ARHGEF11: variants seen among roughly 807,000 people sequenced by gnomAD.
ARHGEF11 encodes Rho guanine exchange factor (GEF) 11.
A neutral mutation model predicts 193.7 loss-of-function variants in ARHGEF11; 55 were observed. The observed-to-expected ratio is 0.28, with a 90% CI of 0.23 to 0.36. The LOEUF (loss-of-function observed/expected upper bound fraction) is 0.36, where lower values mean the gene tolerates loss of function less well. Ranked by LOEUF, ARHGEF11 falls within the 10% of genes least tolerant of loss-of-function variation. The pLI is 1.00. For missense variants in ARHGEF11, 1,723 were observed against 2,005.6 expected (o/e 0.86, Z 2.69); for synonymous variants, 693 against 768.0 (o/e 0.90, Z 1.62).
chr1:157,017,504 G>A (rs1247677337), intron 1 of ARHGEF11, among the ~76,000 whole-genome samples: 2 of 151,916 alleles, frequency 1.3e-5, no homozygotes, highest in South Asian at 2.1e-4. Context: ...TCAGGAGATC[G>A]AGATCATCCT....
intron 1 of ARHGEF11, among the ~76,000 whole-genome samples, chr1:157,027,869 T>C (rs1445227696): frequency 6.6e-6 from 1 of 152,154 alleles, no homozygotes; most frequent in Admixed American, 6.5e-5. Context: ...AGAAGTCAGC[T>C]ACTCTGAGGT....
chr1:156,938,320 G>T, intron 38 of ARHGEF11, 98 bp downstream of exon 38: 2 of 1,103,256 alleles, frequency 1.8e-6, no homozygotes, highest in South Asian at 1.6e-5. Flanking sequence ...GGGAGCTTGT[G>T]GGTGTGTGTG....
At chr1:156,943,162 G>A (rs1657426276) in intron 32 of ARHGEF11, among the ~76,000 whole-genome samples, 1 of 151,734 alleles carries the variant, frequency 6.6e-6, no homozygotes, top group Admixed American at 6.6e-5. Context: ...CCGGGTTCAA[G>A]TGATTCTCCT....
intron 14 of ARHGEF11, 79 bp from the exon 15 acceptor site, chr1:156,960,539 G>C: frequency 7.1e-7 from 1 of 1,405,344 alleles, no homozygotes; most frequent in Middle Eastern, 1.8e-4. Context: ...GGCGAGGAGG[G>C]CTTGGCCACA....
At chr1:156,936,497 A>AAAAAATAT (rs370282821) in intron 40 of ARHGEF11, among the ~76,000 whole-genome samples, 1 of 33,938 alleles carries the variant, frequency 2.9e-5, no homozygotes, top group South Asian at 1.6e-3. Context: ...AAAAAAAAAA[A>AAAAAATAT]ATATATATAT....
At chr1:157,008,406 GCACACA>G (rs60934928) in intron 1 of ARHGEF11, among the ~76,000 whole-genome samples, 104 of 148,880 alleles carry the variant, frequency 7.0e-4, no homozygotes, top group South Asian at 8.6e-4. Flanking sequence ...TTGCACGCAC[GCACACA>G]CACACACACA....
rs1654789763 is a variant in ARHGEF11 at position 156,934,875 on chromosome 1, T to A, written c.*1125A>T. ...TTAACTTTTCTTAAAAAAAAAATCT[T>A]AACCATGAAAGGAAGAAAATAAAAG... is the stretch of plus-strand genomic sequence containing the variant. On this transcript the variant is annotated 3_prime_UTR_variant, in exon 41 of 41. Transcript: ENST00000368194. 1 of 150,938 alleles carries A rather than the reference T, an allele frequency of 6.6e-6. No homozygotes were observed. Among genetic ancestry groups the A allele is most frequent in the Admixed American group, 6.6e-5 (1 of 15,148 alleles). 9.3% of individuals were successfully genotyped at this position (150,938 alleles called of 1,614,324 possible).
Position 156,957,810 on chromosome 1 carries a change from T to C in ARHGEF11, c.1508A>G (p.Lys503Arg), listed in dbSNP as rs1050810415. The C allele has an allele frequency of 6.2e-7, 1 of 1,614,026 alleles. No homozygotes were observed. Among genetic ancestry groups the C allele is most frequent in the Non-Finnish European group, 8.5e-7 (1 of 1,179,980 alleles). Reference sequence around the variant, plus strand: ...TGCTTACCTCCTGTCTTCCTCATACTTGGACCTGGAATGGAAGAAAGAACA... The same window carrying C: ...TGCTTACCTCCTGTCTTCCTCATACCTGGACCTGGAATGGAAGAAAGAACA... ...QLAALGDILSKYEEDRSAPMD... is the reference protein window; with the variant it reads ...QLAALGDILSRYEEDRSAPMD... Residue 503 changes from lysine to arginine, a missense_variant, in exon 18 of 41, where the codon AAG becomes AGG. Around this residue, in one of 5 missense-constraint regions of ARHGEF11, gnomAD observed 646 missense variants for 710.7 expected, o/e 0.91. Coordinates refer to ENST00000368194, the MANE Select transcript of ARHGEF11 (RefSeq NM_198236.3).
At chr1:157,014,930 C>T (rs1669022860) in intron 1 of ARHGEF11, among the ~76,000 whole-genome samples, 1 of 152,206 alleles carries the variant, frequency 6.6e-6, no homozygotes, top group South Asian at 2.1e-4. Context: ...TTCTTGTCTT[C>T]AGCCTTCAGT....
At chr1:156,986,528 C>T (rs553292875) in intron 1 of ARHGEF11, among the ~76,000 whole-genome samples, 12 of 151,912 alleles carry the variant, frequency 7.9e-5, no homozygotes, top group South Asian at 2.1e-4. Context: ...TGGAACAGAA[C>T]GGAGCAGCAG....
rs1667508032 is a variant in ARHGEF11, at chr1:157,003,921, A to G, written c.33-17748T>C. Among the ~76,000 whole-genome samples the G allele has an allele frequency of 2.0e-5, 3 of 152,266 alleles. No homozygotes were observed. The South Asian group carries it at 6.2e-4, about 31-fold the overall frequency. On this transcript the variant is annotated intron_variant, in intron 1 of 40. Transcript: ENST00000368194. ...TTAAAGCGTTTAGCACAGGGCACAC[A>G]TTAAGTGCTTAAAATATGTTAGCTA...
chr1:156,983,659 A>AC (rs1305148431), intron 3 of ARHGEF11, among the ~76,000 whole-genome samples: 10 of 152,156 alleles, frequency 6.6e-5, no homozygotes, highest in Non-Finnish European at 1.5e-4. Context: ...TATGATGCCC[A>AC]CCCACTCTTC....
intron 1 of ARHGEF11, among the ~76,000 whole-genome samples, chr1:157,008,110 C>T (rs879347641): frequency 1.3e-5 from 2 of 152,060 alleles, no homozygotes; most frequent in Non-Finnish European, 1.5e-5. Flanking sequence ...TTTCATATAA[C>T]TCAAACTCGA....
rs539700795 is a variant in ARHGEF11, at chr1:156,937,176, A to G, written c.4440+73T>C. On this transcript the variant is annotated intron_variant, in intron 39 of 40. Coordinates refer to ENST00000368194, the MANE Select transcript of ARHGEF11 (RefSeq NM_198236.3). ...ATCTAGGGCTCCCGCGAAGACACAC[A>G]TCTCACTCATGGGGAATGGTTTTGG... 1.2e-5 allele frequency: 19 copies of G among 1,601,354 alleles called. No homozygotes were observed. The Admixed American group carries it at 3.1e-4, about 26-fold the overall frequency.
intron 38 of ARHGEF11, 120 bp downstream of exon 38, chr1:156,938,298 C>T: frequency 1.1e-6 from 1 of 884,028 alleles, no homozygotes; most frequent in Non-Finnish European, 1.7e-6. Flanking sequence ...CCTCCCCATT[C>T]CAGGCAGCTG....
chr1:156,959,212 G>T, intron 15 of ARHGEF11, 70 bp from the exon 16 acceptor site: 1 of 1,295,992 alleles, frequency 7.7e-7, no homozygotes, highest in Non-Finnish European at 1.1e-6. Context: ...CTTCTGCTGA[G>T]CATCTCAAGG....
intron 6 of ARHGEF11, among the ~76,000 whole-genome samples, chr1:156,977,425 T>C (rs774910020): frequency 4.6e-5 from 7 of 152,188 alleles, no homozygotes; most frequent in Non-Finnish European, 8.8e-5. Context: ...GTTTTGTTTT[T>C]TCTTTGAGAT....
intron 7 of ARHGEF11, among the ~76,000 whole-genome samples, chr1:156,974,998 C>T (rs973488622): frequency 2.0e-5 from 3 of 152,066 alleles, no homozygotes; most frequent in Non-Finnish European, 4.4e-5. Context: ...TTGTGTGAAC[C>T]TATGTTCTCA....
chr1:156,977,111 C>G, intron 6 of ARHGEF11, 57 bp from the exon 7 acceptor site: 1 of 1,442,326 alleles, frequency 6.9e-7, no homozygotes, highest in Non-Finnish European at 9.8e-7. Flanking sequence ...CAGCTTAGCT[C>G]TCTTCTATCT....
Sources: gnomAD v4.1 joint callset for allele counts (sites outside exome capture counted in the v4.1 genomes callset) on GRCh38, gnomAD v4.1.1 for gene constraint, gnomAD v4.1.1 regional missense constraint, MANE v1.5 for transcripts, NCBI Gene and HGNC (gene_info 2026-07-23, HGNC 2026-07-21) for gene names.